Variants in NFIA observed in about 807,000 individuals in gnomAD.
The protein encoded by NFIA is nuclear factor 1 A-type.
Under a neutral mutation model 62.8 loss-of-function variants are expected in NFIA, and 8 were observed. The ratio of observed to expected loss-of-function variants is 0.13; its 90% CI spans 0.07 to 0.23. The LOEUF is 0.23. NFIA is among the 10% of genes least tolerant of loss of function. NFIA has a pLI of 1.00. For synonymous variants in NFIA, 235 were observed against 238.1 expected (o/e 0.99, Z 0.12); for missense variants, 410 against 642.1 (o/e 0.64, Z 3.91).
chr1:61,247,796 A>G (rs1317719636), intron 2 of NFIA, among the ~76,000 whole-genome samples: 2 of 152,154 alleles, frequency 1.3e-5, no homozygotes, highest in African/African-American at 4.8e-5. Flanking sequence ...TTTAACTTGG[A>G]AAAAGGGCAT....
intron 2 of NFIA, among the ~76,000 whole-genome samples, chr1:61,108,067 T>C (rs1646634207): frequency 6.6e-6 from 1 of 151,710 alleles, no homozygotes; most frequent in South Asian, 2.1e-4. Flanking sequence ...ATAATGAGTC[T>C]TGATAAAGCA....
intron 6 of NFIA, among the ~76,000 whole-genome samples, chr1:61,363,429 A>AC (rs1475232599): frequency 1.3e-5 from 2 of 152,036 alleles, no homozygotes; most frequent in Non-Finnish European, 2.9e-5. Flanking sequence ...ACATGGAGAA[A>AC]CCCCATCTCT....
rs1654228902 is a variant in NFIA, at chr1:61,224,837, A to C, written c.560-52683A>C. On this transcript the variant is annotated intron_variant, in intron 2 of 10. Transcript: ENST00000403491. ...AAAGGGATGTTCTAATAAAGCTCTTAAGTGGTACTACTTGCTGATCAAGAG... is the reference window on the plus strand; with the variant it reads ...AAAGGGATGTTCTAATAAAGCTCTTCAGTGGTACTACTTGCTGATCAAGAG... Among the ~76,000 whole-genome samples, 5 of 152,284 alleles carry C rather than the reference A, an allele frequency of 3.3e-5. No individual in the cohort carries two copies. The South Asian group carries it at 1.0e-3, about 32-fold the overall frequency.
intron 3 of NFIA, among the ~76,000 whole-genome samples, chr1:61,279,695 T>C (rs533927914): frequency 1.3e-5 from 2 of 152,350 alleles, no homozygotes; most frequent in South Asian, 4.1e-4. Context: ...CTAGCAGGCC[T>C]GTGATTCATC....
At chr1:61,180,123 C>T (rs933757124) in intron 2 of NFIA, among the ~76,000 whole-genome samples, 14 of 152,274 alleles carry the variant, frequency 9.2e-5, no homozygotes, top group African/African-American at 3.4e-4. Context: ...GTGGATGCCC[C>T]TGATTGTGTC....
At chr1:61,196,399 A>G (rs1288009448) in intron 2 of NFIA, among the ~76,000 whole-genome samples, 7 of 152,176 alleles carry the variant, frequency 4.6e-5, no homozygotes, top group African/African-American at 1.4e-4. Context: ...ACCAGCTAAA[A>G]GCTGGTTTAA....
chr1:61,317,786 GA>G (rs1660447309), intron 3 of NFIA, among the ~76,000 whole-genome samples: 1 of 151,990 alleles, frequency 6.6e-6, no homozygotes, highest in East Asian at 1.9e-4. Flanking sequence ...GAAGATCTAA[GA>G]TATAAAGATT....
In NFIA at chr1:61,140,864, C is replaced by G. The variant is rs573856516; in HGVS notation, c.559+52184C>G. On this transcript the variant is annotated intron_variant, in intron 2 of 10. Transcript: ENST00000403491. ...AGAAACCCTAATTTGACAGCTAACC[C>G]AAGAGTGTATGGTGACCACAAGATT... Among the ~76,000 whole-genome samples the G allele has an allele frequency of 1.9e-3, 292 of 151,836 alleles. 1 individual carries two copies. Among genetic ancestry groups the G allele is most frequent in the Non-Finnish European group, 3.1e-3 (211 of 67,970 alleles).
chr1:61,077,558 A>T (rs534530888), upstream of NFIA: 12 of 1,261,258 alleles, frequency 9.5e-6, no homozygotes, highest in African/African-American at 1.5e-5. Context: ...TGCAAAAAAA[A>T]GGGGACAACA....
intron 10 of NFIA, among the ~76,000 whole-genome samples, chr1:61,446,124 A>G (rs1236742379): frequency 6.6e-6 from 1 of 152,206 alleles, no homozygotes; most frequent in Non-Finnish European, 1.5e-5. Context: ...GTATCCTTAG[A>G]GAGATCTGGT....
At chr1:61,291,803 G>C (rs1052870206) in intron 3 of NFIA, among the ~76,000 whole-genome samples, 1 of 152,106 alleles carries the variant, frequency 6.6e-6, no homozygotes, top group Non-Finnish European at 1.5e-5. Context: ...TGAGGTCAGG[G>C]AATAACAATG....
At chr1:61,129,717 T>G (rs1411442237) in intron 2 of NFIA, among the ~76,000 whole-genome samples, 1 of 152,124 alleles carries the variant, frequency 6.6e-6, no homozygotes, top group East Asian at 1.9e-4. Context: ...CCCAAAGTGC[T>G]GAGATTACAG....
In NFIA at chr1:61,402,264, C is replaced by G. The variant is rs1190367008; in HGVS notation, c.1076-1840C>G. Among the ~76,000 whole-genome samples, 4 of 151,726 alleles carry G rather than the reference C, an allele frequency of 2.6e-5. No individual in the cohort carries two copies. In the East Asian group the frequency reaches 7.8e-4, roughly 30 times the overall value. On this transcript the variant is annotated intron_variant, in intron 7 of 10. Coordinates refer to ENST00000403491, the MANE Select transcript of NFIA (RefSeq NM_001134673.4). ...CGTGTTACCCAGGGTGGTCTCAATCCCCTAACCTCATGATCCGCCTGCCTC... is the reference window on the plus strand; with the variant it reads ...CGTGTTACCCAGGGTGGTCTCAATCGCCTAACCTCATGATCCGCCTGCCTC...
At chr1:61,127,485 G>A in intron 2 of NFIA, among the ~76,000 whole-genome samples, 1 of 151,586 alleles carries the variant, frequency 6.6e-6, no homozygotes, top group East Asian at 1.9e-4. Context: ...GTATTGAGAA[G>A]TACTCAGAGT....
chr1:61,330,436 A>ACCCCCC lies in NFIA; in HGVS notation c.626-2073_626-2068dup, dbSNP rs56688086. Among the ~76,000 whole-genome samples, 43 of 63,522 alleles carry ACCCCCC rather than the reference A, an allele frequency of 6.8e-4. 2 individuals are homozygous for ACCCCCC. In the East Asian group the frequency reaches 7.6e-3, roughly 11 times the overall value. The allele number at this position is 63,522 out of a possible 152,430, so 41.7% of individuals were successfully genotyped here. On this transcript the variant is annotated intron_variant, in intron 3 of 10. Coordinates refer to ENST00000403491, the MANE Select transcript of NFIA (RefSeq NM_001134673.4). ...ATAAAATAACTTAGGAAATAGATAC[A>ACCCCCC]CCCCCCCCACACACACACACACACG...
intron 2 of NFIA, among the ~76,000 whole-genome samples, chr1:61,162,226 G>C (rs1355199613): frequency 6.6e-6 from 1 of 152,110 alleles, no homozygotes; most frequent in Admixed American, 6.5e-5. Flanking sequence ...CTAGAGCGAG[G>C]AGTCACCTGG....
chr1:61,096,212 T>TG (rs1557561733), intron 2 of NFIA, among the ~76,000 whole-genome samples: 1 of 152,108 alleles, frequency 6.6e-6, no homozygotes, highest in South Asian at 2.1e-4. Flanking sequence ...TGAGCTTTTT[T>TG]TTGTTGTTGT....
chr1:61,228,156 A>G (rs1654448291), intron 2 of NFIA, among the ~76,000 whole-genome samples: 1 of 152,166 alleles, frequency 6.6e-6, no homozygotes, highest in Admixed American at 6.5e-5. Context: ...TTTTAAACCT[A>G]TTATAATGTT....
chr1:61,428,633 A>G lies in NFIA; in HGVS notation c.1512+2077A>G, dbSNP rs147706228. Among the ~76,000 whole-genome samples the G allele has an allele frequency of 4.5e-3, 683 of 152,144 alleles. 7 individuals carry two copies. Among genetic ancestry groups the G allele is most frequent in the African/African-American group, 0.016 (645 of 41,534 alleles). On this transcript the variant is annotated intron_variant, in intron 10 of 10. Coordinates refer to ENST00000403491, the MANE Select transcript of NFIA (RefSeq NM_001134673.4). ...TAACTCTTCCCTTAAATGAGGAACT[A>G]TTTTCTGGGACCACTTAAAGTGTTA... is the stretch of plus-strand genomic sequence containing the variant.
Sources: allele counts gnomAD v4.1 joint callset (sites outside exome capture counted in the v4.1 genomes callset), GRCh38; gene constraint gnomAD v4.1.1; transcripts MANE v1.5; gene names NCBI Gene and HGNC (gene_info 2026-07-23, HGNC 2026-07-21).